Variants in AKR1C4 observed in about 807,000 individuals in gnomAD.
The protein encoded by AKR1C4 is aldo-keto reductase family 1 member C4.
AKR1C4 carries 44 observed loss-of-function variants against 41.0 expected under a neutral mutation model. That is an observed-to-expected ratio of 1.07 (90% CI 0.84 to 1.38). The LOEUF is 1.38. Ranked by LOEUF, AKR1C4 falls within the 40% of genes most tolerant of loss-of-function variation. The pLI, the probability that AKR1C4 is intolerant of heterozygous loss-of-function variation, is 0.00. For missense variants in AKR1C4, 438 were observed against 387.9 expected, an observed-to-expected ratio of 1.13 and a Z score of -1.09; for synonymous variants, 165 against 137.7, an observed-to-expected ratio of 1.20 and a Z score of -1.39.
intron 7 of AKR1C4, among the ~76,000 whole-genome samples, chr10:5,215,411 A>C (rs1405573098): frequency 6.6e-6 from 1 of 152,216 alleles, no homozygotes; most frequent in African/African-American, 2.4e-5. Flanking sequence ...TGGGCAATTT[A>C]TACAGAAAAG....
At chr10:5,215,755 G>A (rs1420889844) in intron 7 of AKR1C4, among the ~76,000 whole-genome samples, 1 of 152,128 alleles carries the variant, frequency 6.6e-6, no homozygotes, top group Non-Finnish European at 1.5e-5. Flanking sequence ...GACCTCATTA[G>A]CCTAAACTTA....
chr10:5,197,449 T>C (rs1457114805), intron 1 of AKR1C4, among the ~76,000 whole-genome samples: 4 of 152,188 alleles, frequency 2.6e-5, no homozygotes, highest in South Asian at 4.1e-4. Context: ...GACACAGTAA[T>C]ACTGGTCCTG....
At chr10:5,211,501 G>A (rs954477448) in intron 5 of AKR1C4, among the ~76,000 whole-genome samples, 1 of 152,130 alleles carries the variant, frequency 6.6e-6, no homozygotes, top group Non-Finnish European at 1.5e-5. Context: ...AACATAACAA[G>A]AGTCACCTTT....
Position 5,200,180 on chromosome 10 carries a change from G to C in AKR1C4, c.85-1G>C. On this transcript the variant is annotated splice_acceptor_variant, in intron 1 of 8. Coordinates refer to ENST00000263126, the MANE Select transcript of AKR1C4 (RefSeq NM_001818.5). LOFTEE classifies it high-confidence loss of function. Reference sequence around the variant, plus strand: ...AATACTACCTTTCGTTGCTCCTTCAGGTTCCGAGGAACAGAGCTGTAGAGG... The same window carrying C: ...AATACTACCTTTCGTTGCTCCTTCACGTTCCGAGGAACAGAGCTGTAGAGG... 1 of 1,609,214 alleles carries C rather than the reference G, an allele frequency of 6.2e-7. No individual in the cohort carries two copies. The highest frequency in any genetic ancestry group is 8.5e-7 in the Non-Finnish European group (1 of 1,178,040).
chr10:5,212,945 C>G, intron 6 of AKR1C4, 49 bp from the exon 7 acceptor site: 1 of 1,598,680 alleles, frequency 6.3e-7, no homozygotes, highest in Non-Finnish European at 8.5e-7. Context: ...AGCCTCCTAC[C>G]AAACTGAATC....
At chr10:5,211,105 A>G (rs1832569113) in intron 5 of AKR1C4, among the ~76,000 whole-genome samples, 1 of 152,194 alleles carries the variant, frequency 6.6e-6, no homozygotes, top group African/African-American at 2.4e-5. Context: ...GGCCCAGCCC[A>G]TGAAACCATT....
chr10:5,197,087 T>C lies in AKR1C4; in HGVS notation c.84+136T>C, dbSNP rs1832322580. 5.2e-5 allele frequency: 42 copies of C among 802,058 alleles called. 1 individual carries two copies. In the South Asian group the frequency reaches 6.4e-4, roughly 12 times the overall value. 49.7% of individuals were successfully genotyped at this position (802,058 alleles called of 1,614,324 possible). The stretch of plus-strand genomic sequence containing the variant: ...GGTCTGTCTTACTGGGCTAGAGCTA[T>C]TCTATGTTCAAAGAGAAAAGGTAGT... On this transcript the variant is annotated intron_variant, in intron 1 of 8. Transcript: ENST00000263126.
At chr10:5,217,092 C>T (rs952682935) in intron 8 of AKR1C4, among the ~76,000 whole-genome samples, 1 of 152,248 alleles carries the variant, frequency 6.6e-6, no homozygotes, top group Admixed American at 6.5e-5. Flanking sequence ...GGCATTTCTG[C>T]CGTGGCCTAG....
intron 7 of AKR1C4, among the ~76,000 whole-genome samples, chr10:5,215,671 G>A (rs1554798438): frequency 1.3e-5 from 2 of 152,226 alleles, no homozygotes; most frequent in African/African-American, 4.8e-5. Context: ...ACACGATGCA[G>A]TCAAGTTCTT....
At chr10:5,200,111 G>C (rs1588335438) in intron 1 of AKR1C4, 70 bp from the exon 2 acceptor site, 2 of 1,554,978 alleles carry the variant, frequency 1.3e-6, no homozygotes, top group East Asian at 4.5e-5. Flanking sequence ...TGAGGACAAG[G>C]GAACTTTTCC....
At chr10:5,212,970 C>A in intron 6 of AKR1C4, 24 bp from the exon 7 acceptor site, 1 of 1,612,202 alleles carries the variant, frequency 6.2e-7, no homozygotes, top group Non-Finnish European at 8.5e-7. Context: ...CTCAAGACTT[C>A]AGCATTTCTG....
intron 1 of AKR1C4, 45 bp from the exon 2 acceptor site, chr10:5,200,136 T>C: frequency 6.3e-7 from 1 of 1,583,634 alleles, no homozygotes; most frequent in Non-Finnish European, 8.6e-7. Context: ...TCACTACCTC[T>C]CAAGCACATT....
chr10:5,202,455 A>G (rs1554797006), intron 2 of AKR1C4: 1 of 455,816 alleles, frequency 2.2e-6, no homozygotes, highest in Admixed American at 2.4e-5. Flanking sequence ...GCAAACAGCA[A>G]TACTTTGGCT....
At chr10:5,204,665 A>G (rs781937337) in intron 3 of AKR1C4, 172 bp downstream of exon 3, 1 of 755,706 alleles carries the variant, frequency 1.3e-6, no homozygotes, top group Non-Finnish European at 2.4e-6. Context: ...TCTGTAACGT[A>G]TGATGACAAG....
intron 1 of AKR1C4, among the ~76,000 whole-genome samples, chr10:5,198,206 T>C (rs1306887222): frequency 1.3e-5 from 2 of 152,214 alleles, no homozygotes; most frequent in East Asian, 3.8e-4. Context: ...TTCTTAGGTA[T>C]AAATCTACAT....
chr10:5,207,333 G>T, intron 5 of AKR1C4: 1 of 295,022 alleles, frequency 3.4e-6, no homozygotes, highest in Non-Finnish European at 6.7e-6. Context: ...ATTTAACACT[G>T]AAAAGATTAA....
At chr10:5,199,256 T>C (rs913452538) in intron 1 of AKR1C4, among the ~76,000 whole-genome samples, 40 of 152,046 alleles carry the variant, frequency 2.6e-4, no homozygotes, top group African/African-American at 9.2e-4. Flanking sequence ...GTGATTTTTG[T>C]GAAGGTCAGT....
intron 5 of AKR1C4, among the ~76,000 whole-genome samples, chr10:5,208,227 A>G (rs1832519035): frequency 6.6e-6 from 1 of 151,570 alleles, no homozygotes; most frequent in Non-Finnish European, 1.5e-5. Flanking sequence ...GTTTAGAAGC[A>G]TTTATTCTGC....
At chr10:5,200,516 G>A (rs1441605765) in intron 2 of AKR1C4, among the ~76,000 whole-genome samples, 168 bp downstream of exon 2, 1 of 152,178 alleles carries the variant, frequency 6.6e-6, no homozygotes, top group Non-Finnish European at 1.5e-5. Flanking sequence ...GAATGATGAT[G>A]CCTTTCTCAT....
Sources: gnomAD v4.1 joint callset for allele counts (sites outside exome capture counted in the v4.1 genomes callset) on GRCh38, gnomAD v4.1.1 for gene constraint, MANE v1.5 for transcripts, NCBI Gene and HGNC (gene_info 2026-07-23, HGNC 2026-07-21) for gene names.